The following DYNC1I1 variants were observed in gnomAD, a reference collection of about 807,000 sequenced individuals.
The protein encoded by DYNC1I1 is dynein cytoplasmic 1 intermediate chain 1.
DYNC1I1 carries 43 observed loss-of-function variants against 86.6 expected under a neutral mutation model. That is an observed-to-expected ratio of 0.50 (90% CI 0.39 to 0.64). The LOEUF is 0.64. Among genes scored for constraint, DYNC1I1 ranks in the 30% least tolerant of loss-of-function variants. DYNC1I1 has a pLI of 0.00. For synonymous variants in DYNC1I1, 262 were observed against 283.7 expected, an observed-to-expected ratio of 0.92 and a Z score of 0.77; for missense variants, 604 against 788.8, an observed-to-expected ratio of 0.77 and a Z score of 2.81.
intron 9 of DYNC1I1, among the ~76,000 whole-genome samples, chr7:95,989,807 G>A (rs1226615856): frequency 6.6e-6 from 1 of 152,172 alleles, no homozygotes; most frequent in African/African-American, 2.4e-5. Flanking sequence ...AAAATGTGTT[G>A]TATATGAGGC....
chr7:95,942,566 A>C (rs1318076725), intron 6 of DYNC1I1, among the ~76,000 whole-genome samples: 4 of 152,180 alleles, frequency 2.6e-5, no homozygotes, highest in East Asian at 1.9e-4. Flanking sequence ...AGAGACACAA[A>C]CAAAAAAGAG....
intron 10 of DYNC1I1, among the ~76,000 whole-genome samples, chr7:96,023,291 C>T (rs569830929): frequency 6.6e-6 from 1 of 152,114 alleles, no homozygotes; most frequent in Non-Finnish European, 1.5e-5. Flanking sequence ...TTGAAATAGG[C>T]GATGCTTTTG....
In DYNC1I1 at chr7:96,088,709, G is replaced by T. The variant is rs747363719; in HGVS notation, c.1776+8221G>T. On this transcript the variant is annotated intron_variant, in intron 16 of 16. Coordinates refer to ENST00000447467, the MANE Select transcript of DYNC1I1 (RefSeq NM_001135556.2). ...TACATGTGTATGTGTGCTACTGTTG[G>T]CATATCTAAAATATAATACATAATC... 1.8e-4 allele frequency among the ~76,000 whole-genome samples: 27 copies of T among 152,080 alleles called. 1 individual carries two copies. Among genetic ancestry groups the T allele is most frequent in the Non-Finnish European group, 3.2e-4 (22 of 67,964 alleles).
chr7:95,947,899 T>C (rs1270603508), intron 6 of DYNC1I1, among the ~76,000 whole-genome samples: 2 of 151,952 alleles, frequency 1.3e-5, no homozygotes, highest in South Asian at 4.2e-4. Flanking sequence ...TTTTAAGGAG[T>C]TTGCCCTGTT....
At chr7:95,790,541 A>G (rs1482615171) in intron 1 of DYNC1I1, among the ~76,000 whole-genome samples, 1 of 152,206 alleles carries the variant, frequency 6.6e-6, no homozygotes, top group Non-Finnish European at 1.5e-5. Flanking sequence ...CAAGGTGGTA[A>G]CCACAGACTA....
At chr7:95,819,887 A>T (rs966515497) in intron 4 of DYNC1I1, among the ~76,000 whole-genome samples, 1 of 152,228 alleles carries the variant, frequency 6.6e-6, no homozygotes, top group Non-Finnish European at 1.5e-5. Flanking sequence ...CCATATGGTT[A>T]TAGTAACACA....
At chr7:95,962,664 C>T (rs1262240384) in intron 6 of DYNC1I1, among the ~76,000 whole-genome samples, 3 of 152,088 alleles carry the variant, frequency 2.0e-5, no homozygotes, top group African/African-American at 7.2e-5. Context: ...GTAAGGAGCA[C>T]AGAAATTAGC....
At chr7:96,066,331 C>A (rs994717325) in intron 14 of DYNC1I1, among the ~76,000 whole-genome samples, 2 of 152,212 alleles carry the variant, frequency 1.3e-5, no homozygotes, top group African/African-American at 4.8e-5. Flanking sequence ...ACTCTGGTAA[C>A]ACCAACACAC....
chr7:96,015,415 A>T (rs917106285), intron 10 of DYNC1I1, among the ~76,000 whole-genome samples: 1 of 152,244 alleles, frequency 6.6e-6, no homozygotes, highest in South Asian at 2.1e-4. Flanking sequence ...TTCAGCCTCT[A>T]TGTAAATGCC....
intron 6 of DYNC1I1, among the ~76,000 whole-genome samples, chr7:95,945,205 G>C (rs1163441445): frequency 1.3e-5 from 2 of 151,932 alleles, no homozygotes; most frequent in Non-Finnish European, 2.9e-5. Context: ...TATGTATTTG[G>C]AGGTAGAGGG....
intron 16 of DYNC1I1, among the ~76,000 whole-genome samples, chr7:96,095,021 CTT>C (rs1790960475): frequency 6.6e-6 from 1 of 152,166 alleles, no homozygotes; most frequent in Non-Finnish European, 1.5e-5. Context: ...TACTGTGACA[CTT>C]TTATGAGGGT....
chr7:95,853,662 T>C (rs541792676), intron 5 of DYNC1I1, among the ~76,000 whole-genome samples: 15 of 152,332 alleles, frequency 9.8e-5, no homozygotes, highest in Admixed American at 3.3e-4. Context: ...TCTGTTTATG[T>C]CTGCTAGGTC....
intron 5 of DYNC1I1, among the ~76,000 whole-genome samples, chr7:95,851,248 T>G (rs1032557651): frequency 6.6e-6 from 1 of 152,086 alleles, no homozygotes; most frequent in African/African-American, 2.4e-5. Flanking sequence ...ATCACAACAT[T>G]TGATCTGATA....
At chr7:96,048,995 C>T (rs1366468436) in intron 14 of DYNC1I1, among the ~76,000 whole-genome samples, 1 of 152,170 alleles carries the variant, frequency 6.6e-6, no homozygotes, top group Non-Finnish European at 1.5e-5. Context: ...CACAGTGGCT[C>T]ACGCCTGTAG....
intron 9 of DYNC1I1, among the ~76,000 whole-genome samples, chr7:95,989,128 A>C (rs34865976): frequency 0.078 from 11,839 of 152,264 alleles, 560 homozygotes; most frequent in Non-Finnish European, 0.1. Flanking sequence ...GGTCAGACAG[A>C]GCTTCTCAGA....
intron 3 of DYNC1I1, 65 bp downstream of exon 3, chr7:95,810,571 G>A: frequency 7.7e-7 from 1 of 1,299,536 alleles, no homozygotes; most frequent in Non-Finnish European, 1.1e-6. Flanking sequence ...ACCATGTCCA[G>A]TGTTTACTAT....
intron 10 of DYNC1I1, among the ~76,000 whole-genome samples, chr7:96,005,573 A>G (rs1794121146): frequency 1.3e-5 from 2 of 152,160 alleles, no homozygotes; most frequent in Admixed American, 1.3e-4. Flanking sequence ...TCTAAAATCA[A>G]CAGTATCCCA....
chr7:96,074,278 G>A (rs1790256892), intron 14 of DYNC1I1, among the ~76,000 whole-genome samples: 1 of 152,052 alleles, frequency 6.6e-6, no homozygotes, highest in Non-Finnish European at 1.5e-5. Context: ...GGCCGGGCGC[G>A]GTGGCTCACG....
chr7:95,905,621 T>C (rs942174364), intron 6 of DYNC1I1, among the ~76,000 whole-genome samples: 3 of 151,996 alleles, frequency 2.0e-5, no homozygotes, highest in Non-Finnish European at 4.4e-5. Flanking sequence ...TTTTATTGCA[T>C]GAGATGTTCG....
Sources: allele counts gnomAD v4.1 joint callset (sites outside exome capture counted in the v4.1 genomes callset), GRCh38; gene constraint gnomAD v4.1.1; transcripts MANE v1.5; gene names NCBI Gene and HGNC (gene_info 2026-07-23, HGNC 2026-07-21).